The following EFL1 variants were observed in gnomAD, a reference collection of about 807,000 sequenced individuals.
EFL1 encodes the protein elongation factor-like GTPase 1.
Under a neutral mutation model 126.7 loss-of-function variants are expected in EFL1, and 76 were observed. That is an observed-to-expected ratio of 0.60 (90% CI 0.50 to 0.73). The LOEUF is 0.73. EFL1 is among the 30% of genes least tolerant of loss of function. The pLI is 0.00. For synonymous variants in EFL1, 410 were observed against 448.4 expected, an observed-to-expected ratio of 0.91 and a Z score of 1.08; for missense variants, 1,128 against 1,343.2, an observed-to-expected ratio of 0.84 and a Z score of 2.50.
At chr15:82,233,350 C>T (rs572970969) in intron 7 of EFL1, among the ~76,000 whole-genome samples, 1 of 152,308 alleles carries the variant, frequency 6.6e-6, no homozygotes, top group Admixed American at 6.5e-5. Flanking sequence ...ATTTCCTCTA[C>T]AGAGTAACTG....
intron 2 of EFL1, among the ~76,000 whole-genome samples, chr15:82,261,125 T>C (rs776141531): frequency 6.6e-6 from 1 of 152,210 alleles, no homozygotes; most frequent in Non-Finnish European, 1.5e-5. Flanking sequence ...CCTTCAAGTG[T>C]CATCTCTAAT....
intron 4 of EFL1, 78 bp from the exon 5 acceptor site, chr15:82,241,481 A>T: frequency 6.7e-7 from 1 of 1,490,192 alleles, no homozygotes; most frequent in Non-Finnish European, 8.9e-7. Context: ...TAGAATAAGA[A>T]AGCTGAAAGC....
intron 7 of EFL1, among the ~76,000 whole-genome samples, chr15:82,236,116 T>C (rs1284815658): frequency 3.3e-5 from 5 of 152,136 alleles, no homozygotes; most frequent in Non-Finnish European, 7.3e-5. Flanking sequence ...ACTCAACATG[T>C]ACAGCACTTG....
At chr15:82,231,580 A>G (rs1240742425) in intron 7 of EFL1, among the ~76,000 whole-genome samples, 3 of 151,930 alleles carry the variant, frequency 2.0e-5, no homozygotes, top group Non-Finnish European at 4.4e-5. Context: ...CCTAAGAAAT[A>G]CCTTTTCTTT....
chr15:82,210,027 T>C (rs1432446266), intron 15 of EFL1, among the ~76,000 whole-genome samples: 1 of 152,248 alleles, frequency 6.6e-6, no homozygotes, highest in African/African-American at 2.4e-5. Flanking sequence ...TGGTCTCCAC[T>C]ATTTTCTTAT....
At chr15:82,234,270 C>T (rs2867633) in intron 7 of EFL1, among the ~76,000 whole-genome samples, 29,610 of 151,866 alleles carry the variant, frequency 0.19, 3,168 homozygotes, top group Non-Finnish European at 0.26. Context: ...TCAACAAGTA[C>T]GACCGTATTA....
At chr15:82,206,143 C>G (rs1430810832) in intron 15 of EFL1, among the ~76,000 whole-genome samples, 2 of 152,090 alleles carry the variant, frequency 1.3e-5, no homozygotes, top group African/African-American at 2.4e-5. Flanking sequence ...TATAGCATAT[C>G]AAATAAAAGA....
intron 15 of EFL1, among the ~76,000 whole-genome samples, chr15:82,199,701 T>C (rs905164478): frequency 1.3e-5 from 2 of 152,198 alleles, no homozygotes; most frequent in African/African-American, 4.8e-5. Flanking sequence ...TATGCATAGA[T>C]AGAAGTCTGG....
intron 18 of EFL1, among the ~76,000 whole-genome samples, chr15:82,145,303 C>CAAAAAAAA (rs59928134): frequency 2.1e-5 from 2 of 96,496 alleles, no homozygotes; most frequent in Non-Finnish European, 4.3e-5. Flanking sequence ...AACTCTGTCT[C>CAAAAAAAA]AAAAAAAAAA....
At chr15:82,168,627 C>A (rs113478191) in intron 15 of EFL1, among the ~76,000 whole-genome samples, 2,745 of 152,300 alleles carry the variant, frequency 0.018, 38 homozygotes, top group Admixed American at 0.027. Context: ...ATTCTCCCAT[C>A]TCAGCCTCCC....
intron 14 of EFL1, among the ~76,000 whole-genome samples, chr15:82,219,332 T>C (rs773610180): frequency 7.9e-5 from 12 of 152,194 alleles, no homozygotes; most frequent in South Asian, 2.1e-4. Context: ...AGACCGGCCA[T>C]TGCCCTGGCT....
intron 16 of EFL1, among the ~76,000 whole-genome samples, chr15:82,161,102 G>A (rs953114641): frequency 1.3e-5 from 2 of 152,006 alleles, no homozygotes; most frequent in Non-Finnish European, 2.9e-5. Flanking sequence ...AAGAAAAGTG[G>A]AAGAACAAAT....
intron 5 of EFL1, 152 bp downstream of exon 5, chr15:82,241,118 C>G: frequency 1.2e-6 from 1 of 833,408 alleles, no homozygotes; most frequent in Non-Finnish European, 1.8e-6. Flanking sequence ...CTTCAGAACT[C>G]TGGTGATTTA....
intron 15 of EFL1, among the ~76,000 whole-genome samples, chr15:82,176,076 T>C (rs1276111742): frequency 6.6e-6 from 1 of 152,152 alleles, no homozygotes; most frequent in Non-Finnish European, 1.5e-5. Context: ...TATTTGGCAA[T>C]GGTGACACTG....
intron 17 of EFL1, 73 bp from the exon 18 acceptor site, chr15:82,152,496 C>G (rs2073924316): frequency 1.6e-6 from 2 of 1,264,742 alleles, no homozygotes; most frequent in Admixed American, 2.4e-5. Context: ...GTAGAAATTA[C>G]TACACAGTGG....
intron 15 of EFL1, among the ~76,000 whole-genome samples, chr15:82,180,300 G>C (rs181540390): frequency 1.4e-5 from 2 of 147,868 alleles, no homozygotes; most frequent in African/African-American, 2.5e-5. Context: ...TGTTGAATGA[G>C]TGAACCCAAT....
In EFL1 at chr15:82,249,764, A is replaced by C. The variant is rs538254700; in HGVS notation, c.244+2927T>G. Among the ~76,000 whole-genome samples, 159 of 152,202 alleles carry C rather than the reference A, an allele frequency of 1.0e-3. 1 individual carries two copies. The highest frequency in any genetic ancestry group is 3.4e-3 in the Middle Eastern group (1 of 294). Reference sequence around the variant, plus strand: ...TGTAGCAAATTTTGGTCACAAACGTAAAGATAATAGAGGTTCCATTTTCTC... The same window carrying C: ...TGTAGCAAATTTTGGTCACAAACGTCAAGATAATAGAGGTTCCATTTTCTC... On this transcript the variant is annotated intron_variant, in intron 4 of 19. Transcript: ENST00000268206.
At chr15:82,154,615 C>CAG (rs1244419033) in intron 17 of EFL1, among the ~76,000 whole-genome samples, 20 of 152,256 alleles carry the variant, frequency 1.3e-4, no homozygotes, top group Non-Finnish European at 1.5e-5. Flanking sequence ...AGTCAAGAAA[C>CAG]AGAACAGTCT....
At chr15:82,229,700 G>C (rs1338621326) in intron 8 of EFL1, among the ~76,000 whole-genome samples, 1 of 152,056 alleles carries the variant, frequency 6.6e-6, no homozygotes, top group Non-Finnish European at 1.5e-5. Context: ...CATTGGCTTA[G>C]AATGCTCAGT....
Sources: allele counts gnomAD v4.1 joint callset (sites outside exome capture counted in the v4.1 genomes callset), GRCh38; gene constraint gnomAD v4.1.1; transcripts MANE v1.5; gene names NCBI Gene and HGNC (gene_info 2026-07-23, HGNC 2026-07-21).